The following EPHA5 variants were observed in gnomAD, a reference collection of about 807,000 sequenced individuals.
The protein encoded by EPHA5 is EPH receptor A5.
In EPHA5, 60 loss-of-function variants were observed where a neutral mutation model predicts 105.0. The ratio of observed to expected loss-of-function variants is 0.57; its 90% CI spans 0.46 to 0.71. The LOEUF (loss-of-function observed/expected upper bound fraction) is 0.71, where lower values mean the gene tolerates loss of function less well. Ranked by LOEUF, EPHA5 falls within the 30% of genes least tolerant of loss-of-function variation. EPHA5 has a pLI of 0.00. For missense variants in EPHA5, 1,218 were observed against 1,274.7 expected, an observed-to-expected ratio of 0.96 and a Z score of 0.68; for synonymous variants, 513 against 449.1, an observed-to-expected ratio of 1.14 and a Z score of -1.80.
chr4:65,600,438 T>G (rs1405831992), intron 3 of EPHA5, among the ~76,000 whole-genome samples: 1 of 152,114 alleles, frequency 6.6e-6, no homozygotes, highest in Non-Finnish European at 1.5e-5. Context: ...AAATAGAAAC[T>G]GGTGCTGAAA....
At chr4:65,660,578 A>G (rs550727079) in intron 1 of EPHA5, among the ~76,000 whole-genome samples, 2 of 152,266 alleles carry the variant, frequency 1.3e-5, no homozygotes, top group Non-Finnish European at 2.9e-5. Flanking sequence ...TAGGCTACAT[A>G]GGTACATTAT....
chr4:65,586,838 G>A (rs1309868363), intron 3 of EPHA5, among the ~76,000 whole-genome samples: 1 of 151,912 alleles, frequency 6.6e-6, no homozygotes, highest in Non-Finnish European at 1.5e-5. Context: ...TACAGACCTG[G>A]CATGCAGCTG....
intron 5 of EPHA5, among the ~76,000 whole-genome samples, chr4:65,423,907 A>T (rs969021644): frequency 1.1e-4 from 16 of 151,994 alleles, no homozygotes; most frequent in Non-Finnish European, 1.6e-4. Context: ...ATAAATGTGT[A>T]TATTAACTTG....
intron 3 of EPHA5, among the ~76,000 whole-genome samples, chr4:65,529,261 A>G (rs939735237): frequency 2.0e-5 from 3 of 152,152 alleles, no homozygotes; most frequent in African/African-American, 4.8e-5. Flanking sequence ...CAGTGGTCTA[A>G]TGTTTGGAAT....
At chr4:65,449,721 AG>A in intron 5 of EPHA5, among the ~76,000 whole-genome samples, 1 of 152,166 alleles carries the variant, frequency 6.6e-6, no homozygotes. Context: ...TGAGATCATT[AG>A]GGTGAGCCCT....
chr4:65,489,029 G>T (rs1463448281), intron 5 of EPHA5, among the ~76,000 whole-genome samples: 1 of 151,740 alleles, frequency 6.6e-6, no homozygotes, highest in African/African-American at 2.4e-5. Context: ...GGGACTACAG[G>T]CACCCACCAC....
intron 14 of EPHA5, among the ~76,000 whole-genome samples, chr4:65,342,789 T>C (rs1721859215): frequency 6.6e-6 from 1 of 151,926 alleles, no homozygotes. Context: ...TATATGTATA[T>C]CTGGCACATC....
chr4:65,563,558 C>A (rs1468643760), intron 3 of EPHA5, among the ~76,000 whole-genome samples: 1 of 151,904 alleles, frequency 6.6e-6, no homozygotes, highest in Admixed American at 6.6e-5. Flanking sequence ...ACTTAGTTGG[C>A]AGATTTATTG....
chr4:65,440,017 A>G (rs1725861210), intron 5 of EPHA5, among the ~76,000 whole-genome samples: 1 of 152,138 alleles, frequency 6.6e-6, no homozygotes, highest in Non-Finnish European at 1.5e-5. Flanking sequence ...CAGAAAATAA[A>G]TAGAAATACT....
intron 3 of EPHA5, among the ~76,000 whole-genome samples, chr4:65,507,779 T>C (rs866578307): frequency 6.6e-6 from 1 of 151,992 alleles, no homozygotes; most frequent in South Asian, 2.1e-4. Flanking sequence ...GATGATGGGG[T>C]TTTATAGATA....
intron 3 of EPHA5, among the ~76,000 whole-genome samples, chr4:65,577,635 T>C (rs1741193788): frequency 6.6e-6 from 1 of 152,178 alleles, no homozygotes; most frequent in Non-Finnish European, 1.5e-5. Context: ...TTTGTATATA[T>C]ACCATTATTC....
At chr4:65,659,329 A>C (rs865862098) in intron 1 of EPHA5, among the ~76,000 whole-genome samples, 182 of 7,632 alleles carry the variant, frequency 0.024, 1 homozygote, top group African/African-American at 0.072. Context: ...GAAAAAAAAA[A>C]AAAAAAAAAA....
chr4:65,388,842 G>T (rs970169245), intron 8 of EPHA5, among the ~76,000 whole-genome samples: 7 of 151,496 alleles, frequency 4.6e-5, no homozygotes, highest in Admixed American at 3.3e-4. Context: ...GTCAATTTTG[G>T]CTTTTGTTGC....
At chr4:65,424,490 T>C (rs1724234484) in intron 5 of EPHA5, among the ~76,000 whole-genome samples, 1 of 152,108 alleles carries the variant, frequency 6.6e-6, no homozygotes, top group Admixed American at 6.6e-5. Flanking sequence ...TTTTGAAGGT[T>C]GACATCTTAT....
intron 5 of EPHA5, among the ~76,000 whole-genome samples, chr4:65,479,325 T>C (rs948419823): frequency 1.2e-4 from 18 of 152,158 alleles, no homozygotes; most frequent in Non-Finnish European, 2.9e-5. Context: ...GTAGAAGAGA[T>C]AGGATGGAAA....
intron 11 of EPHA5, among the ~76,000 whole-genome samples, chr4:65,362,197 T>A (rs1432347369): frequency 1.3e-5 from 2 of 151,274 alleles, no homozygotes; most frequent in African/African-American, 2.4e-5. Context: ...AGTGAAAAGA[T>A]GAAGGCTCAC....
intron 3 of EPHA5, among the ~76,000 whole-genome samples, chr4:65,562,070 C>T (rs937427807): frequency 2.0e-5 from 3 of 151,972 alleles, no homozygotes; most frequent in African/African-American, 7.2e-5. Context: ...GCTCTTGATT[C>T]TTCTGATTAT....
At chr4:65,473,870 A>G (rs1729528245) in intron 5 of EPHA5, among the ~76,000 whole-genome samples, 1 of 109,772 alleles carries the variant, frequency 9.1e-6, no homozygotes, top group African/African-American at 3.4e-5. Context: ...TTACTCTTTC[A>G]ATGTTTTGTA....
At chr4:65,637,947 G>A (rs1202966659) in intron 2 of EPHA5, among the ~76,000 whole-genome samples, 1 of 151,992 alleles carries the variant, frequency 6.6e-6, no homozygotes, top group Admixed American at 6.6e-5. Context: ...AGTATTGCAG[G>A]TGCAATGATT....
Sources: gnomAD v4.1 joint callset for allele counts (sites outside exome capture counted in the v4.1 genomes callset) on GRCh38, gnomAD v4.1.1 for gene constraint, MANE v1.5 for transcripts, NCBI Gene and HGNC (gene_info 2026-07-23, HGNC 2026-07-21) for gene names.